Variants in CTPS2 observed in about 807,000 individuals in gnomAD.
CTPS2 encodes CTP synthase 2.
A neutral mutation model predicts 46.8 loss-of-function variants in CTPS2; 19 were observed. The observed-to-expected ratio is 0.41, with a 90% CI of 0.28 to 0.60. The LOEUF is 0.60. Among genes scored for constraint, CTPS2 ranks in the 20% least tolerant of loss-of-function variants. The pLI, the probability that CTPS2 is intolerant of heterozygous loss-of-function variation, is 0.35. For synonymous variants in CTPS2, 151 were observed against 165.2 expected (o/e 0.91, Z 0.66); for missense variants, 286 against 447.6 (o/e 0.64, Z 3.26).
At chrX:16,604,053 GC>G (rs1929833084) in intron 17 of CTPS2, among the ~76,000 whole-genome samples, 2 of 111,487 alleles carry the variant, frequency 1.8e-5, no homozygotes, top group Admixed American at 1.9e-4. Context: ...AGTAGTTTCG[GC>G]TTTTGGGTTT....
At chrX:16,616,257 C>A (rs1299496736) in intron 16 of CTPS2, among the ~76,000 whole-genome samples, 1 of 112,168 alleles carries the variant, frequency 8.9e-6, no homozygotes, top group Non-Finnish European at 1.9e-5. Context: ...GTGTTCCAGC[C>A]TGGTTACTAA....
chrX:16,596,188 G>T (rs765578150), intron 17 of CTPS2, among the ~76,000 whole-genome samples: 21 of 104,036 alleles, frequency 2.0e-4, no homozygotes, highest in Admixed American at 1.1e-3. Context: ...GTTTTTTTTT[G>T]TTTTTTTTTT....
intron 17 of CTPS2, among the ~76,000 whole-genome samples, chrX:16,602,904 T>G (rs980864599): frequency 5.4e-5 from 6 of 111,824 alleles, no homozygotes; most frequent in African/African-American, 2.0e-4. Context: ...ATACTGTCAT[T>G]GTTCTTTTTG....
chrX:16,643,101 T>G (rs1426689409), intron 13 of CTPS2, among the ~76,000 whole-genome samples: 1 of 112,102 alleles, frequency 8.9e-6, no homozygotes, highest in East Asian at 2.8e-4. Context: ...TAACCTTTAC[T>G]GATGTTTTCT....
intron 10 of CTPS2, among the ~76,000 whole-genome samples, chrX:16,677,847 G>A (rs1922404388): frequency 9.0e-6 from 1 of 111,631 alleles, no homozygotes; most frequent in Admixed American, 9.5e-5. Flanking sequence ...GGTCTAAAAG[G>A]GGGAGGCACG....
chrX:16,638,895 T>C (rs750478490), intron 14 of CTPS2: 1 of 495,070 alleles, frequency 2.0e-6, no homozygotes, highest in East Asian at 4.2e-5. Context: ...GAACAGGGAG[T>C]CACGCAGATC....
chrX:16,590,718 G>T, intron 18 of CTPS2, 34 bp downstream of exon 18: 1 of 791,689 alleles, frequency 1.3e-6, no homozygotes, highest in South Asian at 2.2e-5. Flanking sequence ...TTGTCCATGA[G>T]AGAAATGAAC....
chrX:16,705,790 A>G (rs1471562141), intron 1 of CTPS2, among the ~76,000 whole-genome samples: 2 of 110,565 alleles, frequency 1.8e-5, no homozygotes, highest in Non-Finnish European at 3.8e-5. Context: ...GCCCCTTTGC[A>G]GGCTGTTACA....
At chrX:16,653,262 T>C (rs978407400) in intron 13 of CTPS2, among the ~76,000 whole-genome samples, 8 of 110,835 alleles carry the variant, frequency 7.2e-5, no homozygotes, top group African/African-American at 2.6e-4. Context: ...GAGACAAAAA[T>C]TAACTCCACT....
rs147122940 is a variant in CTPS2 at position 16,697,085 on chromosome X, A to G, written c.438+1151T>C. Among the ~76,000 whole-genome samples, 770 of 111,424 alleles carry G rather than the reference A, an allele frequency of 6.9e-3. 10 individuals carry two copies. Among genetic ancestry groups the G allele is most frequent in the African/African-American group, 0.024 (743 of 30,657 alleles). On this transcript the variant is annotated intron_variant, in intron 4 of 18. Transcript: ENST00000359276. ...AGAGACTTATTTAATCTTCAAAACAATGAGTTACAAATGAGTTAAATGAGT... is the reference window on the plus strand; with the variant it reads ...AGAGACTTATTTAATCTTCAAAACAGTGAGTTACAAATGAGTTAAATGAGT...
chrX:16,697,226 C>G (rs1260995533), intron 4 of CTPS2, among the ~76,000 whole-genome samples: 2 of 110,152 alleles, frequency 1.8e-5, no homozygotes, highest in African/African-American at 6.6e-5. Context: ...AATCACTGAG[C>G]TATACGTGGC....
At chrX:16,602,075 C>T (rs1361214749) in intron 17 of CTPS2, among the ~76,000 whole-genome samples, 1 of 111,796 alleles carries the variant, frequency 8.9e-6, no homozygotes, top group Non-Finnish European at 1.9e-5. Context: ...GGAATCTGAG[C>T]TTCCCCAGGG....
chrX:16,654,755 AAGAGAG>A (rs79064086), intron 13 of CTPS2: 14 of 146,523 alleles, frequency 9.6e-5, no homozygotes, highest in South Asian at 6.8e-4. Context: ...AGATTTAAAA[AAGAGAG>A]AGAGAGAGAG....
Position 16,702,923 on chromosome X carries a change from G to GC in CTPS2, c.-22dup. 1 of 1,181,912 alleles carries GC rather than the reference G, an allele frequency of 8.5e-7. No individual in the cohort carries two copies. The highest frequency in any genetic ancestry group is 1.1e-6 in the Non-Finnish European group (1 of 874,516). ...TTCATTGGCAGAATAGTGGCTGGGT[G>GC]CCAACACCCAGATATAATCTGAAAG... On this transcript the variant is annotated 5_prime_UTR_variant, in exon 2 of 19. Coordinates refer to ENST00000359276, the MANE Select transcript of CTPS2 (RefSeq NM_175859.3).
In CTPS2 at chrX:16,605,507, A is replaced by G. The variant is rs775784134; in HGVS notation, c.1691+4034T>C. ...GAGCCCGAGGCACACGGATCACCAG[A>G]GGTCAGGAGTTCAAGCCCAGCTTGG... On this transcript the variant is annotated intron_variant, in intron 17 of 18. Transcript: ENST00000359276. Among the ~76,000 whole-genome samples the G allele has an allele frequency of 8.0e-5, 9 of 111,966 alleles. No individual in the cohort carries two copies. The Admixed American group carries it at 8.6e-4, about 11-fold the overall frequency.
chrX:16,616,244 C>T (rs1022021161), intron 16 of CTPS2, among the ~76,000 whole-genome samples: 4 of 112,113 alleles, frequency 3.6e-5, no homozygotes, highest in Non-Finnish European at 7.5e-5. Context: ...TATGTGCTCA[C>T]GGGTGTTCCA....
intron 14 of CTPS2, among the ~76,000 whole-genome samples, chrX:16,637,069 A>T (rs1462406278): frequency 3.6e-5 from 4 of 112,184 alleles, no homozygotes; most frequent in Non-Finnish European, 7.5e-5. Flanking sequence ...TCATCAAATC[A>T]TCAATATTTT....
chrX:16,671,688 G>A (rs1456569720), intron 10 of CTPS2, among the ~76,000 whole-genome samples: 3 of 108,207 alleles, frequency 2.8e-5, no homozygotes, highest in African/African-American at 1.0e-4. Context: ...CTAATGTTTT[G>A]TATTTTAGTA....
At chrX:16,694,479 T>G (rs971504034) in intron 4 of CTPS2, among the ~76,000 whole-genome samples, 1 of 112,213 alleles carries the variant, frequency 8.9e-6, no homozygotes, top group Non-Finnish European at 1.9e-5. Context: ...GTCACAGCAC[T>G]GTACCCATCC....
Sources: gnomAD v4.1 joint callset for allele counts (sites outside exome capture counted in the v4.1 genomes callset) on GRCh38, gnomAD v4.1.1 for gene constraint, MANE v1.5 for transcripts, NCBI Gene and HGNC (gene_info 2026-07-23, HGNC 2026-07-21) for gene names.